The following NFATC2 variants were observed in gnomAD, a reference collection of about 807,000 sequenced individuals.
NFATC2 encodes nuclear factor of activated T cells 2.
A neutral mutation model predicts 87.3 loss-of-function variants in NFATC2; 22 were observed. That is an observed-to-expected ratio of 0.25 (90% CI 0.18 to 0.36). The LOEUF is 0.36. Among genes scored for constraint, NFATC2 ranks in the 10% least tolerant of loss-of-function variants. The pLI is 1.00. For missense variants in NFATC2, 1,149 were observed against 1,259.1 expected (o/e 0.91, Z 1.32); for synonymous variants, 565 against 542.2 (o/e 1.04, Z -0.58).
intron 9 of NFATC2, among the ~76,000 whole-genome samples, chr20:51,426,271 G>T (rs1446108779): frequency 5.3e-5 from 8 of 152,148 alleles, no homozygotes; most frequent in African/African-American, 1.9e-4. Context: ...CTGAGGTCAG[G>T]AGTTCGAGAC....
chr20:51,488,772 G>A (rs558093772), intron 3 of NFATC2, among the ~76,000 whole-genome samples: 3 of 152,264 alleles, frequency 2.0e-5, no homozygotes, highest in Admixed American at 1.3e-4. Flanking sequence ...GCTAATTTCT[G>A]CCTTGTCCCT....
intron 9 of NFATC2, among the ~76,000 whole-genome samples, chr20:51,413,898 G>A (rs374524899): frequency 1.8e-4 from 27 of 152,300 alleles, no homozygotes; most frequent in East Asian, 9.6e-4. Flanking sequence ...ATGCCTCTGC[G>A]GCTGCCATGA....
At chr20:51,527,128 T>C (rs2076557610) in intron 1 of NFATC2, among the ~76,000 whole-genome samples, 1 of 151,708 alleles carries the variant, frequency 6.6e-6, no homozygotes, top group African/African-American at 2.4e-5. Context: ...CTCCAACTCC[T>C]GAGCTCAAGT....
intron 6 of NFATC2, among the ~76,000 whole-genome samples, chr20:51,447,684 G>A (rs17728712): frequency 0.22 from 33,038 of 152,280 alleles, 3,772 homozygotes; most frequent in Middle Eastern, 0.32. Context: ...TCCCACTGAA[G>A]TCAGGAACAG....
chr20:51,513,172 G>A lies in NFATC2; in HGVS notation c.1332+3612C>T, dbSNP rs375479270. Among the ~76,000 whole-genome samples, 5 of 152,118 alleles carry A rather than the reference G, an allele frequency of 3.3e-5. No individual in the cohort carries two copies. In the East Asian group the frequency reaches 5.8e-4, roughly 18 times the overall value. On this transcript the variant is annotated intron_variant, in intron 3 of 10. Transcript: ENST00000371564. ...TCTGCAAGTTTTTAAATCATATATT[G>A]GATCTTCAAAGTTACAGGCACTTGG... is the stretch of plus-strand genomic sequence containing the variant.
At chr20:51,423,291 CAAAAAAAAAA>C (rs71192527) in intron 9 of NFATC2, among the ~76,000 whole-genome samples, 1 of 62,868 alleles carries the variant, frequency 1.6e-5, no homozygotes, top group South Asian at 8.5e-4. Context: ...GACCCTCTCT[CAAAAAAAAAA>C]AAAAAAAAAA....
chr20:51,504,151 T>C (rs1046847039), intron 3 of NFATC2, among the ~76,000 whole-genome samples: 1 of 152,132 alleles, frequency 6.6e-6, no homozygotes, highest in Non-Finnish European at 1.5e-5. Context: ...GCCTCCTGAG[T>C]AGCTAGGATT....
At chr20:51,444,373 C>A (rs1378813148) in intron 6 of NFATC2, among the ~76,000 whole-genome samples, 1 of 151,714 alleles carries the variant, frequency 6.6e-6, no homozygotes, top group Non-Finnish European at 1.5e-5. Flanking sequence ...CGCTAACCAG[C>A]CCGTTTGCTG....
At chr20:51,504,668 G>T (rs1173409779) in intron 3 of NFATC2, among the ~76,000 whole-genome samples, 4 of 152,192 alleles carry the variant, frequency 2.6e-5, no homozygotes, top group African/African-American at 4.8e-5. Flanking sequence ...GGGCTTTTGA[G>T]CTGGACTACC....
chr20:51,432,167 G>A lies in NFATC2; in HGVS notation c.2622C>T (p.Ala874=), dbSNP rs373320619. ...IQQQNATSQR[A]AKNGPPVSDQ... ...CACTGACCGGGGGTCCGTTTTTGGC[G>A]GCTCTTTGGCTCGTGGCATTCTGCT... is the stretch of plus-strand genomic sequence containing the variant. The change falls in exon 9 of 11, where the codon GCC becomes GCT. Residue 874 remains alanine (A), a synonymous_variant. Transcript: ENST00000371564. This position sits in a 1 kb window ranked among gnomAD's most constrained non-coding sequence, Gnocchi z 4.6. The A allele has an allele frequency of 3.4e-5, 54 of 1,604,098 alleles. No homozygotes were observed. In the East Asian group the frequency reaches 5.1e-4, roughly 15 times the overall value.
At chr20:51,410,515 T>TA (rs200076028) in intron 9 of NFATC2, among the ~76,000 whole-genome samples, 2,172 of 150,412 alleles carry the variant, frequency 0.014, 25 homozygotes, top group Middle Eastern at 0.082. Context: ...ATGCATTTAA[T>TA]AAAAGCAATT....
At position 51,524,041 on chromosome 20, in the gene NFATC2, T is replaced by C. The variant is rs2076502326; in HGVS notation, c.200A>G (p.Tyr67Cys). ...GPAYPDDVLD[Y>C]GLKPYSPLAS... is the part of the protein sequence containing the mutation. ...AAGGGGGCTGTATGGCTTGAGGCCATAGTCCAGGACATCATCGGGGTATGC... is the reference window on the plus strand; with the variant it reads ...AAGGGGGCTGTATGGCTTGAGGCCACAGTCCAGGACATCATCGGGGTATGC... Residue 67 changes from tyrosine (Y) to cysteine (C), a missense_variant, in exon 2 of 11, where the codon TAT (tyrosine) becomes TGT (cysteine). Coordinates refer to ENST00000371564, the MANE Select transcript of NFATC2 (RefSeq NM_012340.5). The surrounding 1 kb of genome is among the most constrained non-coding windows in gnomAD (Gnocchi z 4.0). 1.3e-6 allele frequency: 2 copies of C among 1,540,362 alleles called. No homozygotes were observed. Among genetic ancestry groups the C allele is most frequent in the Non-Finnish European group, 1.7e-6 (2 of 1,147,790 alleles).
At chr20:51,422,574 T>TA (rs1394267640) in intron 9 of NFATC2, among the ~76,000 whole-genome samples, 1 of 151,144 alleles carries the variant, frequency 6.6e-6, no homozygotes, top group Non-Finnish European at 1.5e-5. Flanking sequence ...CCCCTCTTTT[T>TA]TTTTTTTTTT....
Position 51,523,028 on chromosome 20 carries a change from A to G in NFATC2, c.1160+53T>C. 1.2e-6 allele frequency: 2 copies of G among 1,606,766 alleles called. No homozygotes were observed. Among genetic ancestry groups the G allele is most frequent in the Non-Finnish European group, 1.7e-6 (2 of 1,177,972 alleles). ...TGAATCCCATGCTCATAACCAGAAAACCATCTCTTAAAACTAAACCACAGA... is the reference window on the plus strand; with the variant it reads ...TGAATCCCATGCTCATAACCAGAAAGCCATCTCTTAAAACTAAACCACAGA... On this transcript the variant is annotated intron_variant, in intron 2 of 10. Transcript: ENST00000371564. This position sits in a 1 kb window ranked among gnomAD's most constrained non-coding sequence, Gnocchi z 6.9.
chr20:51,499,276 G>A (rs1215970284), intron 3 of NFATC2, among the ~76,000 whole-genome samples: 1 of 152,158 alleles, frequency 6.6e-6, no homozygotes, highest in Non-Finnish European at 1.5e-5. Flanking sequence ...ACCCAGACAA[G>A]AGATGATGCT....
At chr20:51,559,603 A>T (rs1183267085) in intron 1 of NFATC2, among the ~76,000 whole-genome samples, 2 of 152,258 alleles carry the variant, frequency 1.3e-5, no homozygotes, top group Non-Finnish European at 2.9e-5. Context: ...CCATGATTGC[A>T]GTACTTATCA....
Position 51,388,760 on chromosome 20 carries a change from C to T in NFATC2, c.*2736G>A, listed in dbSNP as rs1436813249. ...TACTACATTCAGCAACACGGTAGAC[C>T]TGTCAGAGTGCTACATATTTACATT... On this transcript the variant is annotated 3_prime_UTR_variant, in exon 11 of 11. Coordinates refer to ENST00000371564, the MANE Select transcript of NFATC2 (RefSeq NM_012340.5). 1 of 152,212 alleles carries T rather than the reference C, an allele frequency of 6.6e-6. No homozygotes were observed. Among genetic ancestry groups the T allele is most frequent in the African/African-American group, 2.4e-5 (1 of 41,450 alleles). The allele number at this position is 152,212 out of a possible 1,614,324, so 9.4% of individuals were successfully genotyped here. A position where few individuals can be genotyped will look rare whatever the true frequency, so the allele number is the denominator to read the frequency against.
chr20:51,462,014 G>T (rs1490916339), intron 5 of NFATC2, among the ~76,000 whole-genome samples: 1 of 152,182 alleles, frequency 6.6e-6, no homozygotes, highest in African/African-American at 2.4e-5. Flanking sequence ...AGCTACTTGG[G>T]AGGCTGAGGC....
At position 51,437,957 on chromosome 20, in the gene NFATC2, T is replaced by A. The variant is rs950328684; in HGVS notation, c.1850-2196A>T. 3.9e-5 allele frequency among the ~76,000 whole-genome samples: 6 copies of A among 152,316 alleles called. No homozygotes were observed. In the South Asian group the frequency reaches 1.0e-3, roughly 26 times the overall value. ...GCTAACATCACCCATGCCCCCTTGA[T>A]GAGGGCAGAATACTTCGGCCCCCTG... is the stretch of plus-strand genomic sequence containing the variant. On this transcript the variant is annotated intron_variant, in intron 6 of 10. Coordinates refer to ENST00000371564, the MANE Select transcript of NFATC2 (RefSeq NM_012340.5).
Sources: gnomAD v4.1 joint callset for allele counts (sites outside exome capture counted in the v4.1 genomes callset) on GRCh38, gnomAD v4.1.1 for gene constraint, Gnocchi (gnomAD v3.1) non-coding constraint, MANE v1.5 for transcripts, NCBI Gene and HGNC (gene_info 2026-07-23, HGNC 2026-07-21) for gene names.